Variants in ZNF546 observed in about 807,000 individuals in gnomAD.
The protein encoded by ZNF546 is CTC-471F3.6.
In ZNF546, 60 loss-of-function variants were observed where a neutral mutation model predicts 76.2. That is an observed-to-expected ratio of 0.79 (90% CI 0.64 to 0.98). The LOEUF is 0.98. Ranked by LOEUF, ZNF546 falls within the 50% of genes least tolerant of loss-of-function variation. The pLI, the probability that ZNF546 is intolerant of heterozygous loss-of-function variation, is 0.00. For missense variants in ZNF546, 936 were observed against 1,035.6 expected (o/e 0.90, Z 1.32); for synonymous variants, 277 against 328.1 (o/e 0.84, Z 1.68).
Position 39,998,403 on chromosome 19 carries a change from C to G in ZNF546, c.77C>G (p.Ser26Cys), listed in dbSNP as rs959320159. The change falls in exon 3 of 7, where the codon TCT becomes TGT. Residue 26 changes from serine to cysteine, a missense_variant. Coordinates refer to ENST00000347077, the MANE Select transcript of ZNF546 (RefSeq NM_178544.5). ...IFQIIPLHSL[S>C]IMPRFLWILC... is the part of the protein sequence containing the mutation. Reference sequence around the variant, plus strand: ...CAAATCATTCCTCTGCACTCACTTTCTATAATGGTAGAGAAATGCATATCC... The same window carrying G: ...CAAATCATTCCTCTGCACTCACTTTGTATAATGGTAGAGAAATGCATATCC... 2 of 1,613,410 alleles carry G rather than the reference C, an allele frequency of 1.2e-6. No individual in the cohort carries two copies. The highest frequency in any genetic ancestry group is 2.7e-5 in the African/African-American group (2 of 74,876).
At chr19:40,003,033 CTTTTT>C (rs577843773) in intron 3 of ZNF546, among the ~76,000 whole-genome samples, 2 of 106,296 alleles carry the variant, frequency 1.9e-5, no homozygotes. Context: ...TTTGATTTAA[CTTTTT>C]TTTTTTTTTT....
chr19:40,013,640 C>CTCTTTT, intron 6 of ZNF546, 25 bp from the exon 7 acceptor site: 1 of 1,091,568 alleles, frequency 9.2e-7, no homozygotes, highest in Non-Finnish European at 1.2e-6. Context: ...TTACTCTTTG[C>CTCTTTT]TTTTTTTTTT....
chr19:40,001,684 T>C (rs376736467), intron 3 of ZNF546, among the ~76,000 whole-genome samples: 2 of 152,302 alleles, frequency 1.3e-5, no homozygotes, highest in African/African-American at 4.8e-5. Flanking sequence ...CTTGATTATC[T>C]TTCTGGGAGT....
intron 4 of ZNF546, 91 bp downstream of exon 4, chr19:40,006,273 C>T (rs767201748): frequency 1.6e-6 from 2 of 1,216,352 alleles, no homozygotes; most frequent in Non-Finnish European, 2.4e-6. Flanking sequence ...CTTCCTAAGA[C>T]AACCCTGTTG....
rs774663767 is a variant in ZNF546 at position 40,015,750 on chromosome 19, A to C, written c.2480A>C (p.His827Pro). 3.0e-5 allele frequency: 49 copies of C among 1,612,584 alleles called. No homozygotes were observed. In the Admixed American group the frequency reaches 7.4e-4, roughly 24 times the overall value. ...CAACTTACTTTACATCAGAGAAATC[A>C]TATTAGTGAGGAAGTCCTATGCATA... ...SDQLTLHQRN[H>P]ISEEVLCIM Residue 827 changes from histidine to proline, a missense_variant, in exon 7 of 7, where the codon CAT (histidine) becomes CCT (proline). Physicochemically the swap from His to Pro is moderately conservative, Grantham distance 77. Coordinates refer to ENST00000347077, the MANE Select transcript of ZNF546 (RefSeq NM_178544.5).
At chr19:40,008,397 G>A in intron 5 of ZNF546, 73 bp from the exon 6 acceptor site, 1 of 1,163,682 alleles carries the variant, frequency 8.6e-7, no homozygotes, top group Non-Finnish European at 1.2e-6. Context: ...AACCAAGTCT[G>A]AATTGTCATT....
Position 40,017,841 on chromosome 19 carries a change from T to C in ZNF546, c.*2060T>C, listed in dbSNP as rs1331518386. 4 of 152,158 alleles carry C rather than the reference T, an allele frequency of 2.6e-5. No individual in the cohort carries two copies. Among genetic ancestry groups the C allele is most frequent in the Admixed American group, 6.5e-5 (1 of 15,270 alleles). 9.4% of individuals were successfully genotyped at this position (152,158 alleles called of 1,614,324 possible). Reference sequence around the variant, plus strand: ...GTTGTGTTCATTCTTTTCATTTGTGTAAACAATGCTTTTCATAGGTTATTT... The same window carrying C: ...GTTGTGTTCATTCTTTTCATTTGTGCAAACAATGCTTTTCATAGGTTATTT... On this transcript the variant is annotated 3_prime_UTR_variant, in exon 7 of 7. Transcript: ENST00000347077.
In ZNF546 at chr19:40,016,862, G is replaced by A. The variant is rs1017933935; in HGVS notation, c.*1081G>A. On this transcript the variant is annotated 3_prime_UTR_variant, in exon 7 of 7. Coordinates refer to ENST00000347077, the MANE Select transcript of ZNF546 (RefSeq NM_178544.5). ...TTCCACCTCTGCCTATGTGGTGTTT[G>A]GCAAAACATGCCCCTGTGCCTTGGT... 2.6e-5 allele frequency: 4 copies of A among 152,110 alleles called. No individual in the cohort carries two copies. The highest frequency in any genetic ancestry group is 9.7e-5 in the African/African-American group (4 of 41,428). 9.4% of individuals were successfully genotyped at this position (152,110 alleles called of 1,614,324 possible).
In ZNF546 at chr19:40,017,840, G is replaced by A. The variant is rs1236428276; in HGVS notation, c.*2059G>A. On this transcript the variant is annotated 3_prime_UTR_variant, in exon 7 of 7. Transcript: ENST00000347077. The stretch of plus-strand genomic sequence containing the variant: ...AGTTGTGTTCATTCTTTTCATTTGT[G>A]TAAACAATGCTTTTCATAGGTTATT... 1 of 151,516 alleles carries A rather than the reference G, an allele frequency of 6.6e-6. No homozygotes were observed. Among genetic ancestry groups the A allele is most frequent in the African/African-American group, 2.4e-5 (1 of 41,200 alleles). The allele number at this position is 151,516 out of a possible 1,614,324, so 9.4% of individuals were successfully genotyped here. A position where few individuals can be genotyped will look rare whatever the true frequency, so the allele number is the denominator to read the frequency against.
In ZNF546 at chr19:40,015,663, T is replaced by A; in HGVS notation, c.2393T>A (p.Ile798Asn). The A allele has an allele frequency of 6.2e-7, 1 of 1,614,194 alleles. No homozygotes were observed. Among genetic ancestry groups the A allele is most frequent in the Non-Finnish European group, 8.5e-7 (1 of 1,180,030 alleles). Reference sequence around the variant, plus strand: ...TCAGAACTTACTCGACATCACAGAATTCATACTGGTGAAAAACCCTATCAA... The same window carrying A: ...TCAGAACTTACTCGACATCACAGAAATCATACTGGTGAAAAACCCTATCAA... ...VNSELTRHHRIHTGEKPYQCK... is the reference protein window; with the variant it reads ...VNSELTRHHRNHTGEKPYQCK... The change falls in exon 7 of 7, where the codon ATT (isoleucine) becomes AAT (asparagine). Residue 798 changes from isoleucine to asparagine, a missense_variant. Physicochemically the swap from Ile to Asn is moderately radical, Grantham distance 149. Transcript: ENST00000347077.
Position 40,015,485 on chromosome 19 carries a change from C to T in ZNF546, c.2215C>T (p.His739Tyr), listed in dbSNP as rs1807053214. The T allele has an allele frequency of 2.5e-6, 4 of 1,614,162 alleles. No homozygotes were observed. Among genetic ancestry groups the T allele is most frequent in the Non-Finnish European group, 3.4e-6 (4 of 1,180,014 alleles). The change falls in exon 7 of 7, where the codon CAT becomes TAT. Residue 739 changes from histidine (H) to tyrosine (Y), a missense_variant. By Grantham distance (83) the His-to-Tyr change is moderately conservative. Coordinates refer to ENST00000347077, the MANE Select transcript of ZNF546 (RefSeq NM_178544.5). The part of the protein sequence containing the change: ...TFSRRYHLTQ[H>Y]FRLHTGEKPY... ...TAGTCGTCGGTATCATCTTACTCAA[C>T]ATTTTAGACTTCATACTGGTGAGAA... is the stretch of plus-strand genomic sequence containing the variant.
chr19:40,007,225 C>A, intron 4 of ZNF546, 49 bp from the exon 5 acceptor site: 2 of 1,430,376 alleles, frequency 1.4e-6, no homozygotes, highest in Non-Finnish European at 1.9e-6. Context: ...AGTTTTCCAT[C>A]TTGAAAATAC....
chr19:40,001,681 A>G (rs372067708), intron 3 of ZNF546, among the ~76,000 whole-genome samples: 1 of 152,186 alleles, frequency 6.6e-6, no homozygotes, highest in Non-Finnish European at 1.5e-5. Flanking sequence ...TTTCTTGATT[A>G]TCTTTCTGGG....
intron 6 of ZNF546, among the ~76,000 whole-genome samples, chr19:40,011,076 ATCTGTAAAC>A (rs1420112781): frequency 6.6e-6 from 1 of 152,192 alleles, no homozygotes; most frequent in Non-Finnish European, 1.5e-5. Context: ...CAAATGTATG[ATCTGTAAAC>A]TCTTAACAGT....
rs773908901 is a variant in ZNF546 at position 40,018,698 on chromosome 19, C to G, written c.*2917C>G. On this transcript the variant is annotated 3_prime_UTR_variant, in exon 7 of 7. Transcript: ENST00000347077. ...CTGACCCACTTGGGATGAAGCCCAG[C>G]CACCATGCTATGAAGATGCCAAGTA... The G allele has an allele frequency of 6.6e-6, 1 of 152,336 alleles. No homozygotes were observed. Among genetic ancestry groups the G allele is most frequent in the Non-Finnish European group, 1.5e-5 (1 of 68,044 alleles). The allele number at this position is 152,336 out of a possible 1,614,324, so 9.4% of individuals were successfully genotyped here.
chr19:40,017,050 G>C lies in ZNF546; in HGVS notation c.*1269G>C, dbSNP rs1971780546. 1 of 152,134 alleles carries C rather than the reference G, an allele frequency of 6.6e-6. No homozygotes were observed. The highest frequency in any genetic ancestry group is 6.5e-5 in the Admixed American group (1 of 15,280). The allele number at this position is 152,134 out of a possible 1,614,324, so 9.4% of individuals were successfully genotyped here. Reference sequence around the variant, plus strand: ...TACATTTAGTACATTCATGTGAGAGGAAGGCCCTGTGGGTGTAAGAAATTT... The same window carrying C: ...TACATTTAGTACATTCATGTGAGAGCAAGGCCCTGTGGGTGTAAGAAATTT... On this transcript the variant is annotated 3_prime_UTR_variant, in exon 7 of 7. Coordinates refer to ENST00000347077, the MANE Select transcript of ZNF546 (RefSeq NM_178544.5).
chr19:40,011,354 TA>T (rs1259267559), intron 6 of ZNF546: 1 of 151,992 alleles, frequency 6.6e-6, no homozygotes, highest in Non-Finnish European at 1.5e-5. Context: ...GCCTCCCGAG[TA>T]GCTAGGACTA....
At chr19:40,001,810 T>G (rs770498643) in intron 3 of ZNF546, among the ~76,000 whole-genome samples, 30 of 152,112 alleles carry the variant, frequency 2.0e-4, no homozygotes, top group Non-Finnish European at 3.2e-4. Context: ...CTAGAAAAAA[T>G]GAAATAATAT....
At position 40,016,481 on chromosome 19, in the gene ZNF546, C is replaced by G. The variant is rs958423487; in HGVS notation, c.*700C>G. ...GTTGCAGTGAGCTGAGATCGCACCA[C>G]TGCACTCTAGCTTGGGCAACAGAGC... On this transcript the variant is annotated 3_prime_UTR_variant, in exon 7 of 7. Coordinates refer to ENST00000347077, the MANE Select transcript of ZNF546 (RefSeq NM_178544.5). 1.3e-5 allele frequency: 2 copies of G among 152,206 alleles called. No individual in the cohort carries two copies. The highest frequency in any genetic ancestry group is 2.9e-5 in the Non-Finnish European group (2 of 68,078). The allele number at this position is 152,206 out of a possible 1,614,324, so 9.4% of individuals were successfully genotyped here. A position where few individuals can be genotyped will look rare whatever the true frequency, so the allele number is the denominator to read the frequency against.
Sources: allele counts gnomAD v4.1 joint callset (sites outside exome capture counted in the v4.1 genomes callset), GRCh38; gene constraint gnomAD v4.1.1; transcripts MANE v1.5; gene names NCBI Gene and HGNC (gene_info 2026-07-23, HGNC 2026-07-21).